RPL6: variants seen among roughly 807,000 people sequenced by gnomAD.
RPL6 encodes large ribosomal subunit protein eL6.
A neutral mutation model predicts 32.1 loss-of-function variants in RPL6; 1 was observed. That is an observed-to-expected ratio of 0.03 (90% CI 0.01 to 0.15). The LOEUF (loss-of-function observed/expected upper bound fraction) is 0.15. RPL6 is among the 10% of genes least tolerant of loss of function. The probability of loss-of-function intolerance (pLI) is 1.00; values close to 1 mark genes in which losing one functional copy is unlikely to be tolerated. For synonymous variants in RPL6, 126 were observed against 131.6 expected, an observed-to-expected ratio of 0.96 and a Z score of 0.29; for missense variants, 275 against 354.6, an observed-to-expected ratio of 0.78 and a Z score of 1.80.
upstream of RPL6, chr12:112,409,713 A>G: frequency 2.6e-6 from 1 of 382,734 alleles, no homozygotes; most frequent in East Asian, 3.7e-5. Context: ...CGTTAAGAAA[A>G]AAGTAGTAAA....
chr12:112,408,623 T>C lies in RPL6; in HGVS notation c.34A>G (p.Lys12Glu). The stretch of plus-strand genomic sequence containing the variant: ...TTCTTGGCTTCGGGTTTCTTCTCTT[T>C]AGTATCTGGCTTCTCAACTTTTTCA... ...AGEKVEKPDT[K>E]EKKPEAKKVD... is the part of the protein sequence containing the mutation. Residue 12 changes from lysine to glutamate, a missense_variant, in exon 2 of 7, where the codon AAA becomes GAA. Transcript: ENST00000202773. 1.3e-6 allele frequency: 2 copies of C among 1,573,546 alleles called. No individual in the cohort carries two copies. The highest frequency in any genetic ancestry group is 1.2e-5 in the South Asian group (1 of 86,124).
intron 1 of RPL6, among the ~76,000 whole-genome samples, chr12:112,417,802 C>T (rs867418984): frequency 3.3e-5 from 5 of 150,838 alleles, no homozygotes; most frequent in Admixed American, 1.3e-4. Context: ...GGACTACAGG[C>T]GCGCGCCACC....
chr12:112,417,053 G>C (rs1454873117), intron 1 of RPL6, among the ~76,000 whole-genome samples: 7 of 152,112 alleles, frequency 4.6e-5, no homozygotes, highest in African/African-American at 1.7e-4. Context: ...CACTAGATCT[G>C]TAGCCTTTAT....
intron 5 of RPL6, 73 bp from the exon 6 acceptor site, chr12:112,406,110 T>A: frequency 7.3e-7 from 1 of 1,374,152 alleles, no homozygotes; most frequent in Middle Eastern, 1.8e-4. Flanking sequence ...TGACCATTAC[T>A]TGTTATGTTG....
upstream of RPL6, among the ~76,000 whole-genome samples, chr12:112,412,713 C>T (rs1368961640): frequency 6.6e-6 from 1 of 151,982 alleles, no homozygotes; most frequent in African/African-American, 2.4e-5. Context: ...GTTTGTTAGG[C>T]AGTAAATCTT....
intron 1 of RPL6, chr12:112,418,576 G>A: frequency 8.3e-6 from 2 of 239,812 alleles, no homozygotes; most frequent in Non-Finnish European, 8.2e-6. Context: ...GAAAAGAATG[G>A]AGGAAACCGA....
chr12:112,418,792 G>A (rs1779372185), exon 1 of RPL6: 2 of 450,742 alleles, frequency 4.4e-6, no homozygotes, highest in Admixed American at 4.7e-5. Context: ...CGCCTCCGCG[G>A]AGCCCCCGCG....
intron 1 of RPL6, among the ~76,000 whole-genome samples, chr12:112,416,499 C>T (rs1594116499): frequency 6.6e-6 from 1 of 152,030 alleles, no homozygotes; most frequent in Non-Finnish European, 1.5e-5. Flanking sequence ...TGGTCTCAAA[C>T]TCCTGACCTC....
intron 4 of RPL6, 57 bp downstream of exon 4, chr12:112,406,690 T>C: frequency 2.5e-6 from 4 of 1,602,034 alleles, no homozygotes; most frequent in South Asian, 2.2e-5. Context: ...GCAAACGCAT[T>C]GCCACCAGGC....
At chr12:112,417,339 T>A (rs2037425812) in intron 1 of RPL6, among the ~76,000 whole-genome samples, 1 of 151,792 alleles carries the variant, frequency 6.6e-6, no homozygotes, top group African/African-American at 2.4e-5. Context: ...ATTACAGGCG[T>A]GAGCCACCAC....
intron 1 of RPL6, among the ~76,000 whole-genome samples, chr12:112,416,703 C>T (rs1283893644): frequency 2.6e-5 from 4 of 152,188 alleles, no homozygotes; most frequent in South Asian, 2.1e-4. Context: ...CATGAGCTAC[C>T]GCGCCCCGAG....
chr12:112,418,408 AGTTTTTTGCATTTTTTGTAGAGATGAG>A (rs1167760212), intron 1 of RPL6: 1 of 165,754 alleles, frequency 6.0e-6, no homozygotes, highest in Non-Finnish European at 1.3e-5. Flanking sequence ...ACGCCCGGTT[AGTTTTTTGCATTTTTTGTAGAGATGAG>A]GTCTTGCTTT....
intron 4 of RPL6, 146 bp downstream of exon 4, chr12:112,406,601 G>T: frequency 8.9e-7 from 1 of 1,123,370 alleles, no homozygotes; most frequent in Non-Finnish European, 1.3e-6. Context: ...CTTCTTATTT[G>T]CAACAACTAA....
At chr12:112,411,940 C>T (rs371924290), upstream of RPL6, among the ~76,000 whole-genome samples, 61 of 151,280 alleles carry the variant, frequency 4.0e-4, 1 homozygote, top group East Asian at 4.1e-3. Context: ...AGTGCAGTGC[C>T]GTGATCTTGG....
rs2037146104 is a variant in RPL6 at position 112,405,879 on chromosome 12, C to T, written c.688G>A (p.Gly230Ser). 2 of 1,613,160 alleles carry T rather than the reference C, an allele frequency of 1.2e-6. No individual in the cohort carries two copies. Among genetic ancestry groups the T allele is most frequent in the Admixed American group, 1.7e-5 (1 of 59,762 alleles). The change falls in exon 6 of 7, where the codon GGT becomes AGT. Residue 230 changes from glycine to serine, a missense_variant. Physicochemically the swap from Gly to Ser is moderately conservative, Grantham distance 56. Coordinates refer to ENST00000202773, the MANE Select transcript of RPL6 (RefSeq NM_000970.6). The part of the protein sequence containing the change: ...KKLRKPRHQE[G>S]EIFDTEKEKY... ...TCTTTTTCTGTGTCGAAGATCTCAC[C>T]TTCCTGGTGTCTGGGCTTCCGCAGC...
upstream of RPL6, among the ~76,000 whole-genome samples, chr12:112,413,584 TTTTTGTTTTG>T (rs751170807): frequency 1.5e-4 from 23 of 152,086 alleles, no homozygotes; most frequent in Admixed American, 2.0e-4. Flanking sequence ...GATTGAGGTT[TTTTTGTTTTG>T]TTTTGTTTTG....
chr12:112,409,308 C>T (rs1167778589), intron 1 of RPL6: 1 of 394,054 alleles, frequency 2.5e-6, no homozygotes, highest in Non-Finnish European at 4.5e-6. Flanking sequence ...CCCGCTTCCT[C>T]TAACACCCAC....
chr12:112,409,615 C>T (rs1270920279), upstream of RPL6: 18 of 397,904 alleles, frequency 4.5e-5, 1 homozygote, highest in Middle Eastern at 6.2e-4. Flanking sequence ...GAATTAAGGT[C>T]CCGGCTTCCG....
upstream of RPL6, among the ~76,000 whole-genome samples, chr12:112,413,694 A>G (rs916692405): frequency 6.6e-6 from 1 of 151,900 alleles, no homozygotes; most frequent in African/African-American, 2.4e-5. Flanking sequence ...GCCCGGCCAT[A>G]TAAATGAATA....
Sources: gnomAD v4.1 joint callset for allele counts (sites outside exome capture counted in the v4.1 genomes callset) on GRCh38, gnomAD v4.1.1 for gene constraint, MANE v1.5 for transcripts, NCBI Gene and HGNC (gene_info 2026-07-23, HGNC 2026-07-21) for gene names.